Variants in SP3 observed in about 807,000 individuals in gnomAD.
The protein encoded by SP3 is Sp3 transcription factor.
Under a neutral mutation model 70.3 loss-of-function variants are expected in SP3, and 10 were observed. That is an observed-to-expected ratio of 0.14 (90% confidence interval 0.09 to 0.24). The LOEUF is 0.24. Among genes scored for constraint, SP3 ranks in the 10% least tolerant of loss-of-function variants. SP3 has a pLI of 1.00. For synonymous variants in SP3, 402 were observed against 333.5 expected (o/e 1.21, Z -2.24); for missense variants, 825 against 914.6 (o/e 0.90, Z 1.26).
At chr2:173,932,133 G>A (rs1015861657) in intron 4 of SP3, among the ~76,000 whole-genome samples, 1 of 152,176 alleles carries the variant, frequency 6.6e-6, no homozygotes, top group Non-Finnish European at 1.5e-5. Context: ...TGAGATATGT[G>A]CAATTCTTCC....
chr2:173,934,236 T>TA (rs572835204), intron 4 of SP3, among the ~76,000 whole-genome samples: 1,493 of 136,388 alleles, frequency 0.011, 17 homozygotes, highest in Admixed American at 0.041. Context: ...AACTTGTCTC[T>TA]AAAAAAAAAA....
Position 173,956,166 on chromosome 2 carries a change from G to A in SP3, c.346C>T (p.Pro116Ser). 1.2e-6 allele frequency: 2 copies of A among 1,614,066 alleles called. No homozygotes were observed. Among genetic ancestry groups the A allele is most frequent in the Admixed American group, 1.7e-5 (1 of 60,022 alleles). Residue 116 changes from proline to serine, a missense_variant, in exon 4 of 7, where the codon CCT becomes TCT. This residue lies in a region of SP3 where 678 missense variants were observed against 651.6 expected (regional missense o/e 1.04). Transcript: ENST00000310015. ...PNRWEVLSAT[P>S]TTIKDEAGNL... ...CCAGCTTCATCTTTTATAGTTGTAGGTGTGGCTGACAAAACCTCCCATCGG... is the reference window on the plus strand; with the variant it reads ...CCAGCTTCATCTTTTATAGTTGTAGATGTGGCTGACAAAACCTCCCATCGG...
intron 4 of SP3, among the ~76,000 whole-genome samples, chr2:173,948,636 G>A (rs917421345): frequency 4.6e-5 from 7 of 152,030 alleles, no homozygotes; most frequent in Admixed American, 3.3e-4. Flanking sequence ...ATGACACTAA[G>A]TCTTATTCCT....
chr2:173,940,711 T>C (rs1410044742), intron 4 of SP3, among the ~76,000 whole-genome samples: 1 of 152,224 alleles, frequency 6.6e-6, no homozygotes, highest in Non-Finnish European at 1.5e-5. Flanking sequence ...CCAGTACTGC[T>C]GCAATTCTAC....
Position 173,905,688 on chromosome 2 carries a change from A to AG in SP3, c.*4252_*4253insC, listed in dbSNP as rs1227573023. 3.3e-5 allele frequency among the ~76,000 whole-genome samples: 5 copies of AG among 152,060 alleles called. No individual in the cohort carries two copies. The highest frequency in any genetic ancestry group is 1.2e-4 in the African/African-American group (5 of 41,376). On this transcript the variant is annotated 3_prime_UTR_variant, in exon 7 of 7. Coordinates refer to ENST00000310015, the MANE Select transcript of SP3 (RefSeq NM_003111.5). ...AAAAGCCAACATGGGAAAAAAAAAA[A>AG]CCTTGTATACCCTTTAGACTCCAGA...
chr2:173,930,562 A>G (rs926797782), intron 4 of SP3, among the ~76,000 whole-genome samples: 4 of 152,244 alleles, frequency 2.6e-5, no homozygotes, highest in Non-Finnish European at 2.9e-5. Flanking sequence ...AAATGAAACC[A>G]GTACCAGTTA....
chr2:173,959,915 G>A lies in SP3; in HGVS notation c.280-3683C>T, dbSNP rs570719622. On this transcript the variant is annotated intron_variant, in intron 3 of 6. Coordinates refer to ENST00000310015, the MANE Select transcript of SP3 (RefSeq NM_003111.5). ...TGTTTCTCTCAGTACCTTTCTTACC[G>A]GACAATTAACAAACAAAACCTAGGC... Among the ~76,000 whole-genome samples the A allele has an allele frequency of 1.1e-4, 16 of 152,206 alleles. No homozygotes were observed. The East Asian group carries it at 1.5e-3, about 15-fold the overall frequency.
rs950579428 is a variant in SP3, at chr2:173,937,577, A to T, written c.1639+17296T>A. ...TTTATGTTAAATTTCTTGAAAAAAA[A>T]TTTTTAAATAATTCTGATGCTCACT... On this transcript the variant is annotated intron_variant, in intron 4 of 6. Coordinates refer to ENST00000310015, the MANE Select transcript of SP3 (RefSeq NM_003111.5). Among the ~76,000 whole-genome samples, 5 of 152,280 alleles carry T rather than the reference A, an allele frequency of 3.3e-5. No individual in the cohort carries two copies. The South Asian group carries it at 6.2e-4, about 19-fold the overall frequency.
chr2:173,936,479 A>G (rs1465854950), intron 4 of SP3, among the ~76,000 whole-genome samples: 1 of 152,168 alleles, frequency 6.6e-6, no homozygotes, highest in African/African-American at 2.4e-5. Flanking sequence ...AATAGTATTC[A>G]GTGCTTTTCA....
chr2:173,953,345 T>G (rs1174558217), intron 4 of SP3, among the ~76,000 whole-genome samples: 2 of 152,210 alleles, frequency 1.3e-5, no homozygotes, highest in Non-Finnish European at 2.9e-5. Flanking sequence ...TGAGAGGGTC[T>G]CAGGGATATC....
chr2:173,933,694 T>C (rs931361185), intron 4 of SP3, among the ~76,000 whole-genome samples: 15 of 138,082 alleles, frequency 1.1e-4, no homozygotes, highest in Non-Finnish European at 1.9e-4. Context: ...GTAACATTTA[T>C]AAAATCACAA....
chr2:173,948,323 T>C (rs954793551), intron 4 of SP3, among the ~76,000 whole-genome samples: 1 of 152,208 alleles, frequency 6.6e-6, no homozygotes, highest in Non-Finnish European at 1.5e-5. Context: ...AAGTTTTAAA[T>C]TACATGCCAT....
chr2:173,939,922 G>T (rs961698880), intron 4 of SP3, among the ~76,000 whole-genome samples: 1 of 152,122 alleles, frequency 6.6e-6, no homozygotes, highest in Non-Finnish European at 1.5e-5. Flanking sequence ...ACCCAGGCTG[G>T]AGTGCAATGA....
intron 3 of SP3, among the ~76,000 whole-genome samples, chr2:173,962,010 G>A (rs1043139906): frequency 4.6e-5 from 6 of 131,184 alleles, no homozygotes; most frequent in Middle Eastern, 4.6e-3. Context: ...TGATGTATTT[G>A]ATTGATAAAT....
chr2:173,963,719 G>C, intron 3 of SP3, 42 bp downstream of exon 3: 1 of 822,580 alleles, frequency 1.2e-6, no homozygotes, highest in Non-Finnish European at 1.5e-6. Flanking sequence ...CGGGATGGCG[G>C]GCGCCCGGCC....
intron 4 of SP3, among the ~76,000 whole-genome samples, chr2:173,948,169 T>C (rs1690600634): frequency 6.6e-6 from 1 of 152,202 alleles, no homozygotes; most frequent in African/African-American, 2.4e-5. Context: ...TTAAATAGGA[T>C]GTAATTCTTG....
chr2:173,948,844 T>A (rs1039168608), intron 4 of SP3, among the ~76,000 whole-genome samples: 8 of 152,114 alleles, frequency 5.3e-5, no homozygotes, highest in Non-Finnish European at 1.2e-4. Flanking sequence ...AGCATTAAAA[T>A]AAAAATCTTA....
chr2:173,933,647 T>TAC (rs970781653), intron 4 of SP3, among the ~76,000 whole-genome samples: 15 of 133,342 alleles, frequency 1.1e-4, no homozygotes, highest in African/African-American at 4.6e-4. Flanking sequence ...TTTATATATA[T>TAC]ATATATATAT....
At chr2:173,961,225 T>C (rs1339553638) in intron 3 of SP3, among the ~76,000 whole-genome samples, 3 of 152,238 alleles carry the variant, frequency 2.0e-5, no homozygotes, top group Non-Finnish European at 4.4e-5. Context: ...GCTTTATGAC[T>C]AGACTTCTTC....
Sources: gnomAD v4.1 joint callset for allele counts (sites outside exome capture counted in the v4.1 genomes callset) on GRCh38, gnomAD v4.1.1 for gene constraint, gnomAD v4.1.1 regional missense constraint, MANE v1.5 for transcripts, NCBI Gene and HGNC (gene_info 2026-07-23, HGNC 2026-07-21) for gene names.